The following LRMDA variants were observed in gnomAD, a reference collection of about 807,000 sequenced individuals.
The protein encoded by LRMDA is leucine-rich melanocyte differentiation-associated protein.
LRMDA carries 18 observed loss-of-function variants against 29.8 expected under a neutral mutation model. That is an observed-to-expected ratio of 0.60 (90% CI 0.42 to 0.90). The LOEUF (loss-of-function observed/expected upper bound fraction) is 0.90, where lower values mean the gene tolerates loss of function less well. Ranked by LOEUF, LRMDA falls within the 40% of genes least tolerant of loss-of-function variation. The probability of loss-of-function intolerance (pLI) is 0.00; values close to 1 mark genes in which losing one functional copy is unlikely to be tolerated. For synonymous variants in LRMDA, 125 were observed against 109.4 expected, an observed-to-expected ratio of 1.14 and a Z score of -0.89; for missense variants, 273 against 273.9, an observed-to-expected ratio of 1.00 and a Z score of 0.02.
chr10:75,802,934 G>A (rs1843779597), intron 2 of LRMDA, among the ~76,000 whole-genome samples: 1 of 66,354 alleles, frequency 1.5e-5, no homozygotes, highest in Admixed American at 1.4e-4. Flanking sequence ...AATACATTAT[G>A]TGTGTGTGTG....
intron 2 of LRMDA, among the ~76,000 whole-genome samples, chr10:75,793,688 A>T (rs1843605420): frequency 6.6e-6 from 1 of 152,178 alleles, no homozygotes; most frequent in Non-Finnish European, 1.5e-5. Context: ...TTGCTGAAAG[A>T]TCTTTCAGAG....
intron 2 of LRMDA, among the ~76,000 whole-genome samples, chr10:75,884,677 C>T (rs539981603): frequency 7.9e-5 from 12 of 152,192 alleles, no homozygotes; most frequent in South Asian, 2.1e-4. Context: ...CAATGCAGGG[C>T]CTGACAGTAA....
intron 5 of LRMDA, among the ~76,000 whole-genome samples, chr10:76,165,278 G>C (rs1850719450): frequency 6.6e-6 from 1 of 151,520 alleles, no homozygotes; most frequent in South Asian, 2.1e-4. Context: ...CAGCCAAAAA[G>C]AGAGTTTTTT....
chr10:75,678,861 G>C (rs1446821692), intron 2 of LRMDA, among the ~76,000 whole-genome samples: 1 of 152,166 alleles, frequency 6.6e-6, no homozygotes, highest in Non-Finnish European at 1.5e-5. Flanking sequence ...TTCCAGTCTT[G>C]TTAAGGACCA....
intron 6 of LRMDA, among the ~76,000 whole-genome samples, chr10:76,456,032 G>T (rs186315149): frequency 2.1e-4 from 32 of 152,240 alleles, no homozygotes; most frequent in African/African-American, 7.7e-4. Context: ...CTCCTTAGGG[G>T]CTGGGTTGTT....
At chr10:76,372,874 G>T (rs969183994) in intron 6 of LRMDA, among the ~76,000 whole-genome samples, 8 of 151,984 alleles carry the variant, frequency 5.3e-5, no homozygotes, top group African/African-American at 1.9e-4. Flanking sequence ...TTTTAACATT[G>T]TGTTATATTT....
At chr10:76,188,771 C>G (rs1851191835) in intron 5 of LRMDA, among the ~76,000 whole-genome samples, 1 of 152,056 alleles carries the variant, frequency 6.6e-6, no homozygotes, top group South Asian at 2.1e-4. Context: ...CCTGAGACTC[C>G]AAAGGCTGGA....
chr10:75,692,588 TGTGTG>T (rs1842184211), intron 2 of LRMDA, among the ~76,000 whole-genome samples: 1 of 150,822 alleles, frequency 6.6e-6, no homozygotes, highest in South Asian at 2.1e-4. Context: ...TGTGTGTGTG[TGTGTG>T]TGTGTGTGTG....
At chr10:76,113,962 T>C (rs1478014826) in intron 5 of LRMDA, among the ~76,000 whole-genome samples, 1 of 152,216 alleles carries the variant, frequency 6.6e-6, no homozygotes, top group Non-Finnish European at 1.5e-5. Flanking sequence ...AAATGAAAAG[T>C]TCCTCGTTTT....
chr10:75,966,420 G>A (rs536314345), intron 2 of LRMDA, among the ~76,000 whole-genome samples: 2 of 152,186 alleles, frequency 1.3e-5, no homozygotes, highest in South Asian at 2.1e-4. Flanking sequence ...ACCTAGCACC[G>A]TGCTTAGGAA....
chr10:75,993,936 A>G (rs1286659738), intron 2 of LRMDA, among the ~76,000 whole-genome samples: 1 of 152,144 alleles, frequency 6.6e-6, no homozygotes, highest in African/African-American at 2.4e-5. Context: ...AATTAAATCC[A>G]GAAGAGAGAG....
chr10:75,664,643 T>G (rs909243380), intron 2 of LRMDA, among the ~76,000 whole-genome samples: 1 of 152,038 alleles, frequency 6.6e-6, no homozygotes, highest in Non-Finnish European at 1.5e-5. Flanking sequence ...AGCTGGAGTT[T>G]GGAGGAAGAG....
chr10:76,095,007 T>C (rs1251955987), intron 5 of LRMDA, among the ~76,000 whole-genome samples: 1 of 152,168 alleles, frequency 6.6e-6, no homozygotes, highest in African/African-American at 2.4e-5. Context: ...AAATTTACCC[T>C]TAGTGTAGAG....
intron 2 of LRMDA, among the ~76,000 whole-genome samples, chr10:75,457,738 G>A (rs911484315): frequency 6.6e-5 from 10 of 152,106 alleles, no homozygotes; most frequent in Non-Finnish European, 1.5e-4. Flanking sequence ...TTATCTGGAC[G>A]GCATTTTCCA....
chr10:76,526,697 G>A (rs750483860), intron 6 of LRMDA, among the ~76,000 whole-genome samples: 2 of 151,768 alleles, frequency 1.3e-5, no homozygotes, highest in Non-Finnish European at 2.9e-5. Context: ...CTTATATCAT[G>A]TTTACAACCA....
At chr10:75,581,868 G>C (rs1840597672) in intron 2 of LRMDA, among the ~76,000 whole-genome samples, 1 of 152,098 alleles carries the variant, frequency 6.6e-6, no homozygotes, top group Admixed American at 6.5e-5. Context: ...AACCACCATG[G>C]CATGTGTATA....
chr10:75,886,649 G>A (rs1274354852), intron 2 of LRMDA, among the ~76,000 whole-genome samples: 1 of 152,084 alleles, frequency 6.6e-6, no homozygotes, highest in Non-Finnish European at 1.5e-5. Flanking sequence ...TTTAAAACTA[G>A]CTAGTCTTGC....
chr10:76,368,096 A>G (rs1418045343), intron 6 of LRMDA, among the ~76,000 whole-genome samples: 2 of 151,792 alleles, frequency 1.3e-5, no homozygotes, highest in Non-Finnish European at 2.9e-5. Context: ...TTTCAATTTC[A>G]TTTACTTCTG....
At chr10:76,325,279 G>A (rs1483889173) in intron 6 of LRMDA, among the ~76,000 whole-genome samples, 1 of 152,172 alleles carries the variant, frequency 6.6e-6, no homozygotes, top group Non-Finnish European at 1.5e-5. Flanking sequence ...TCACCGTCTG[G>A]GCTCTGGGCA....
Sources: gnomAD v4.1 joint callset for allele counts (sites outside exome capture counted in the v4.1 genomes callset) on GRCh38, gnomAD v4.1.1 for gene constraint, MANE v1.5 for transcripts, NCBI Gene and HGNC (gene_info 2026-07-23, HGNC 2026-07-21) for gene names.